The following SSX3 variants were observed in gnomAD, a reference collection of about 807,000 sequenced individuals.
SSX3 encodes protein SSX3.
Under a neutral mutation model 14.8 loss-of-function variants are expected in SSX3, and 6 were observed. The ratio of observed to expected loss-of-function variants is 0.41; its 90% CI spans 0.22 to 0.80. SSX3 has a LOEUF of 0.80. SSX3 is among the 30% of genes least tolerant of loss of function. The pLI is 0.34. For missense variants in SSX3, 163 were observed against 152.2 expected (o/e 1.07, Z -0.37); for synonymous variants, 55 against 52.9 (o/e 1.04, Z -0.18).
Position 48,352,977 on chromosome X carries a change from A to G in SSX3, c.281-828T>C, listed in dbSNP as rs2061269715. ...AGGGTTATTTGGGAATGAGAAGACT[A>G]TTTGGTTTTGATAAAATACAGAGAA... On this transcript the variant is annotated intron_variant, in intron 4 of 7. Transcript: ENST00000298396. 2.7e-5 allele frequency among the ~76,000 whole-genome samples: 3 copies of G among 111,658 alleles called. No homozygotes were observed. In the South Asian group the frequency reaches 1.1e-3, roughly 42 times the overall value.
At chrX:48,351,967 A>G in intron 5 of SSX3, 133 bp downstream of exon 5, 1 of 838,274 alleles carries the variant, frequency 1.2e-6, no homozygotes, top group Non-Finnish European at 1.8e-6. Context: ...CGTCGGTGCT[A>G]CATCAGGTGT....
chrX:48,355,788 A>AGC (rs1556950921), intron 1 of SSX3, among the ~76,000 whole-genome samples: 57 of 111,920 alleles, frequency 5.1e-4, no homozygotes, highest in African/African-American at 1.8e-3. Flanking sequence ...AGAGGCTATT[A>AGC]CTGGGTGATT....
At chrX:48,350,596 G>A (rs1317291849) in intron 5 of SSX3, among the ~76,000 whole-genome samples, 10 of 109,651 alleles carry the variant, frequency 9.1e-5, no homozygotes. Context: ...GGAAGGGAGA[G>A]GGAAATAAAT....
rs2061241856 is a variant in SSX3 at position 48,346,974 on chromosome X, C to G, written c.*66G>C. ...ATGACGAGGGGTCCACAGCCATGCC[C>G]ATGTTCGTGAAAGGTCACCACGTTC... On this transcript the variant is annotated 3_prime_UTR_variant, in exon 8 of 8. Transcript: ENST00000298396. 8.3e-7 allele frequency: 1 copy of G among 1,197,841 alleles called. No individual in the cohort carries two copies. The highest frequency in any genetic ancestry group is 2.2e-5 in the Admixed American group (1 of 46,002).
rs1182102041 is a variant in SSX3, at chrX:48,346,809, G to A, written c.*231C>T. On this transcript the variant is annotated 3_prime_UTR_variant, in exon 8 of 8. Coordinates refer to ENST00000298396, the MANE Select transcript of SSX3 (RefSeq NM_021014.4). ...CATTAAGTATGTCTTGCTCATCAGT[G>A]AAAATGTTAATATCTAACAGAATGA... The A allele has an allele frequency of 5.2e-6, 3 of 581,970 alleles. No individual in the cohort carries two copies. In the Admixed American group the frequency reaches 9.2e-5, roughly 18 times the overall value. 48.0% of individuals were successfully genotyped at this position (581,970 alleles called of 1,213,427 possible). A position where few individuals can be genotyped will look rare whatever the true frequency, so the allele number is the denominator to read the frequency against.
chrX:48,352,346 A>G, intron 4 of SSX3, 197 bp from the exon 5 acceptor site: 2 of 477,008 alleles, frequency 4.2e-6, no homozygotes, highest in South Asian at 6.4e-5. Context: ...AGAATTTTCC[A>G]TCTCATGGTT....
intron 1 of SSX3, among the ~76,000 whole-genome samples, chrX:48,355,791 G>C (rs1217060132): frequency 2.7e-5 from 3 of 111,724 alleles, no homozygotes; most frequent in Non-Finnish European, 5.6e-5. Flanking sequence ...GGCTATTACT[G>C]GGTGATTTGT....
At chrX:48,354,895 C>G (rs1385470299) in intron 2 of SSX3, 149 bp from the exon 3 acceptor site, 1 of 1,192,323 alleles carries the variant, frequency 8.4e-7, no homozygotes, top group Admixed American at 2.3e-5. Context: ...CATGAGGGAC[C>G]TTCCTAGCTT....
At position 48,350,142 on chromosome X, in the gene SSX3, T is replaced by C. The variant is rs1556949369; in HGVS notation, c.331-20A>G. 6 of 1,210,210 alleles carry C rather than the reference T, an allele frequency of 5.0e-6. No individual in the cohort carries two copies. Among genetic ancestry groups the C allele is most frequent in the Non-Finnish European group, 5.6e-6 (5 of 894,473 alleles). On this transcript the variant is annotated intron_variant, in intron 5 of 7. Coordinates refer to ENST00000298396, the MANE Select transcript of SSX3 (RefSeq NM_021014.4). ...CATGATCTTTATAATGTGAAGGTCA[T>C]AGATAAATAGTATCAGTGACATTTC...
intron 6 of SSX3, chrX:48,349,476 T>C (rs2061252297): frequency 1.7e-6 from 2 of 1,169,006 alleles, no homozygotes; most frequent in Non-Finnish European, 2.3e-6. Context: ...CTTAGTAGAC[T>C]ACACTGTAGT....
At chrX:48,356,041 G>A (rs1331415645) in intron 1 of SSX3, among the ~76,000 whole-genome samples, 1 of 111,602 alleles carries the variant, frequency 9.0e-6, no homozygotes, top group African/African-American at 3.3e-5. Flanking sequence ...GCTGGGGTTG[G>A]TGGAGCAGGC....
intron 5 of SSX3, 48 bp from the exon 6 acceptor site, chrX:48,350,170 T>C (rs1601981266): frequency 8.3e-7 from 1 of 1,202,725 alleles, no homozygotes; most frequent in Non-Finnish European, 1.1e-6. Context: ...GACATTTCTA[T>C]AGTGCTTTTG....
chrX:48,350,751 T>A (rs1184768213), intron 5 of SSX3, among the ~76,000 whole-genome samples: 3 of 109,684 alleles, frequency 2.7e-5, no homozygotes, highest in Non-Finnish European at 5.7e-5. Context: ...TGACCAACAA[T>A]CTTAAGCTGC....
chrX:48,350,891 C>A (rs2061259878), intron 5 of SSX3, among the ~76,000 whole-genome samples: 1 of 109,013 alleles, frequency 9.2e-6, no homozygotes, highest in Admixed American at 9.9e-5. Flanking sequence ...CTTCCTTAGC[C>A]TCCAGAGTAT....
In SSX3 at chrX:48,349,645, A is replaced by T. The variant is rs7887952; in HGVS notation, c.466+342T>A. ...GATATGATCCCAGGTTATCACAGAT[A>T]GAATCGCTTGAGCACCTTTCATGTC... On this transcript the variant is annotated intron_variant, in intron 6 of 7. Coordinates refer to ENST00000298396, the MANE Select transcript of SSX3 (RefSeq NM_021014.4). 8.5e-3 allele frequency: 10,205 copies of T among 1,196,568 alleles called. 607 individuals carry two copies. In the African/African-American group the frequency reaches 0.16, roughly 19 times the overall value.
chrX:48,351,863 T>C (rs2061264600), intron 5 of SSX3, among the ~76,000 whole-genome samples: 1 of 112,089 alleles, frequency 8.9e-6, no homozygotes, highest in African/African-American at 3.2e-5. Context: ...AAGGATTAAA[T>C]AAATTAATCC....
rs782119162 is a variant in SSX3, at chrX:48,347,055, G to A, written c.*5-20C>T. The A allele has an allele frequency of 8.4e-6, 10 of 1,196,379 alleles. No homozygotes were observed. In the Admixed American group the frequency reaches 1.8e-4, roughly 21 times the overall value. ...CCAAGGCTGAGGCAAGAAGAGAGAA[G>A]GAAAGTAAGTGGCAGTGAGTTCCCA... is the stretch of plus-strand genomic sequence containing the variant. On this transcript the variant is annotated intron_variant, in intron 7 of 7. Coordinates refer to ENST00000298396, the MANE Select transcript of SSX3 (RefSeq NM_021014.4).
chrX:48,347,980 T>A (rs1181953847), intron 6 of SSX3, among the ~76,000 whole-genome samples: 2 of 112,798 alleles, frequency 1.8e-5, no homozygotes, highest in South Asian at 3.6e-4. Flanking sequence ...TTTTGGAAAT[T>A]CTCACCAATT....
intron 1 of SSX3, among the ~76,000 whole-genome samples, chrX:48,355,665 G>A (rs782719928): frequency 1.6e-3 from 178 of 111,437 alleles, no homozygotes; most frequent in African/African-American, 5.6e-3. Context: ...TAAAGGAAGG[G>A]AAGTTAGTCC....
Sources: allele counts gnomAD v4.1 joint callset (sites outside exome capture counted in the v4.1 genomes callset), GRCh38; gene constraint gnomAD v4.1.1; transcripts MANE v1.5; gene names NCBI Gene and HGNC (gene_info 2026-07-23, HGNC 2026-07-21).